SGPP2: variants seen among roughly 807,000 people sequenced by gnomAD.
The protein encoded by SGPP2 is sphingosine 1-phosphate phosphohydrolase 2.
Under a neutral mutation model 33.9 loss-of-function variants are expected in SGPP2, and 30 were observed. That is an observed-to-expected ratio of 0.89 (90% confidence interval 0.66 to 1.20). The LOEUF (loss-of-function observed/expected upper bound fraction) is 1.20, where lower values mean the gene tolerates loss of function less well. Among genes scored for constraint, SGPP2 ranks in the 50% most tolerant of loss-of-function variants. The pLI is 0.00. For synonymous variants in SGPP2, 233 were observed against 225.0 expected (o/e 1.04, Z -0.32); for missense variants, 458 against 532.1 (o/e 0.86, Z 1.37).
rs1260856147 is a variant in SGPP2 at position 222,560,546 on chromosome 2, G to C, written c.*1648G>C. The C allele has an allele frequency of 6.6e-6, 1 of 152,124 alleles. No homozygotes were observed. The highest frequency in any genetic ancestry group is 2.4e-5 in the African/African-American group (1 of 41,412). The allele number at this position is 152,124 out of a possible 1,614,324, so 9.4% of individuals were successfully genotyped here. A position where few individuals can be genotyped will look rare whatever the true frequency, so the allele number is the denominator to read the frequency against. On this transcript the variant is annotated 3_prime_UTR_variant, in exon 5 of 5. Transcript: ENST00000321276. ...CTTCAGTTCCTAAGAATAAAGAACAGGTATCAAGAACTTTCTTTAAAGTTA... is the reference window on the plus strand; with the variant it reads ...CTTCAGTTCCTAAGAATAAAGAACACGTATCAAGAACTTTCTTTAAAGTTA...
chr2:222,468,009 T>A (rs1409011909), intron 1 of SGPP2, among the ~76,000 whole-genome samples: 4 of 126,964 alleles, frequency 3.2e-5, no homozygotes, highest in Non-Finnish European at 5.1e-5. Flanking sequence ...AATACAACCT[T>A]GCAATGACAT....
At chr2:222,542,927 C>T (rs1699019496) in intron 4 of SGPP2, among the ~76,000 whole-genome samples, 1 of 151,856 alleles carries the variant, frequency 6.6e-6, no homozygotes, top group Admixed American at 6.6e-5. Flanking sequence ...GTAGCTGGGA[C>T]CGCAGTCGTG....
rs1299355486 is a variant in SGPP2 at position 222,424,608 on chromosome 2, C to T, written c.6C>T (p.Ala2=). The change falls in exon 1 of 5, where the codon GCC becomes GCT. Residue 2 remains alanine, a synonymous_variant. Coordinates refer to ENST00000321276, the MANE Select transcript of SGPP2 (RefSeq NM_152386.4). M[A]ELLRSLQDSQ... is the part of the protein sequence containing the mutation. Reference sequence around the variant, plus strand: ...AGCGCGGCCCCGGGCACACCATGGCCGAGCTGCTGCGGAGCCTGCAGGATT... The same window carrying T: ...AGCGCGGCCCCGGGCACACCATGGCTGAGCTGCTGCGGAGCCTGCAGGATT... The T allele has an allele frequency of 7.4e-7, 1 of 1,349,188 alleles. No individual in the cohort carries two copies. Among genetic ancestry groups the T allele is most frequent in the Non-Finnish European group, 9.6e-7 (1 of 1,044,484 alleles). 83.6% of individuals were successfully genotyped at this position (1,349,188 alleles called of 1,614,324 possible).
chr2:222,558,758 T>A lies in SGPP2; in HGVS notation c.1060T>A (p.Phe354Ile). 6.2e-7 allele frequency: 1 copy of A among 1,614,134 alleles called. No homozygotes were observed. Among genetic ancestry groups the A allele is most frequent in the Non-Finnish European group, 8.5e-7 (1 of 1,180,004 alleles). Residue 354 changes from phenylalanine to isoleucine, a missense_variant, in exon 5 of 5, where the codon TTC becomes ATC. Physicochemically the swap from Phe to Ile is conservative, Grantham distance 21 (BLOSUM62 0). Transcript: ENST00000321276. ...CTCACTGCAAGTATTATACTCATGG[T>A]TCAAGGTGGTCACCAGGAACAAGGA... Reference protein sequence around the residue: ...NLSLQVLYSWFKVVTRNKEAR... With the variant: ...NLSLQVLYSWIKVVTRNKEAR...
Position 222,430,780 on chromosome 2 carries a change from C to T in SGPP2, c.219+5959C>T, listed in dbSNP as rs574795480. ...CATCACCAGTGGTAAGTCATGTTGA[C>T]ATCATGTTCTCTTGATGCATATTAA... On this transcript the variant is annotated intron_variant, in intron 1 of 4. Transcript: ENST00000321276. Among the ~76,000 whole-genome samples, 46 of 152,336 alleles carry T rather than the reference C, an allele frequency of 3.0e-4. No individual in the cohort carries two copies. In the South Asian group the frequency reaches 4.1e-3, roughly 14 times the overall value.
chr2:222,491,605 C>T (rs773695085), intron 2 of SGPP2, among the ~76,000 whole-genome samples: 4 of 152,172 alleles, frequency 2.6e-5, no homozygotes, highest in Admixed American at 6.5e-5. Context: ...CCCACCTGGT[C>T]CTTCCCTCAA....
At chr2:222,439,418 G>C (rs955610880) in intron 1 of SGPP2, among the ~76,000 whole-genome samples, 12 of 152,086 alleles carry the variant, frequency 7.9e-5, no homozygotes, top group African/African-American at 2.2e-4. Context: ...TGTAACCCCA[G>C]CTACTTGGGA....
chr2:222,455,319 G>A (rs574968227), intron 1 of SGPP2, among the ~76,000 whole-genome samples: 92 of 152,208 alleles, frequency 6.0e-4, no homozygotes, highest in Non-Finnish European at 1.2e-3. Context: ...GCTTGAGAAG[G>A]CATCTCTGAA....
In SGPP2 at chr2:222,561,890, T is replaced by C. The variant is rs1205621231; in HGVS notation, c.*2992T>C. Among the ~76,000 whole-genome samples, 1 of 150,952 alleles carries C rather than the reference T, an allele frequency of 6.6e-6. No individual in the cohort carries two copies. Among genetic ancestry groups the C allele is most frequent in the Non-Finnish European group, 1.5e-5 (1 of 67,686 alleles). ...TGTCTTGCTAGCCCTCTTCCATTCA[T>C]TTCTCACACAGCACTTTGCTCTGTT... On this transcript the variant is annotated 3_prime_UTR_variant, in exon 5 of 5. Transcript: ENST00000321276.
At chr2:222,513,015 T>C (rs1574870712) in intron 2 of SGPP2, among the ~76,000 whole-genome samples, 1 of 152,230 alleles carries the variant, frequency 6.6e-6, no homozygotes, top group East Asian at 1.9e-4. Context: ...CTGAGTCATA[T>C]GGTAAGAGTA....
Position 222,476,046 on chromosome 2 carries a change from T to C in SGPP2, c.378+1320T>C, listed in dbSNP as rs1175472682. Among the ~76,000 whole-genome samples, 1 of 152,140 alleles carries C rather than the reference T, an allele frequency of 6.6e-6. No individual in the cohort carries two copies. Among genetic ancestry groups the C allele is most frequent in the Admixed American group, 6.5e-5 (1 of 15,282 alleles). On this transcript the variant is annotated intron_variant, in intron 2 of 4. Transcript: ENST00000321276. This position sits in a 1 kb window ranked among gnomAD's most constrained non-coding sequence, Gnocchi z 4.3. ...GAAGGAGTCTTGAAGATCAACCAAC[T>C]CTAAGGTCAAAGGTTATTTAGCTGG...
Position 222,512,876 on chromosome 2 carries a change from A to G in SGPP2, c.379-8891A>G, listed in dbSNP as rs184445926. The stretch of plus-strand genomic sequence containing the variant: ...CCACAGTTTATTTATTCATTTACCT[A>G]CTGAAGGACATCTTGGTTGCTTCCA... On this transcript the variant is annotated intron_variant, in intron 2 of 4. Coordinates refer to ENST00000321276, the MANE Select transcript of SGPP2 (RefSeq NM_152386.4). 8.5e-5 allele frequency among the ~76,000 whole-genome samples: 13 copies of G among 152,334 alleles called. No individual in the cohort carries two copies. In the East Asian group the frequency reaches 2.5e-3, roughly 29 times the overall value.
intron 1 of SGPP2, among the ~76,000 whole-genome samples, chr2:222,448,786 G>C: frequency 6.6e-6 from 1 of 152,144 alleles, no homozygotes; most frequent in Non-Finnish European, 1.5e-5. Flanking sequence ...AGCACAGCAT[G>C]CTCAAAATTT....
chr2:222,437,224 C>T (rs1164450379), intron 1 of SGPP2, among the ~76,000 whole-genome samples: 1 of 152,216 alleles, frequency 6.6e-6, no homozygotes, highest in Non-Finnish European at 1.5e-5. Context: ...CTGCTTCTTC[C>T]AAGTCCGTGA....
At chr2:222,446,597 CA>C (rs757343830) in intron 1 of SGPP2, among the ~76,000 whole-genome samples, 7 of 152,192 alleles carry the variant, frequency 4.6e-5, no homozygotes, top group Non-Finnish European at 8.8e-5. Flanking sequence ...CATCAATAAA[CA>C]TTCATGTACA....
chr2:222,490,842 T>C (rs1698186293), intron 2 of SGPP2, among the ~76,000 whole-genome samples: 1 of 152,204 alleles, frequency 6.6e-6, no homozygotes, highest in Admixed American at 6.5e-5. Context: ...AGCTTCTGAA[T>C]CTTGTATTCT....
chr2:222,554,707 T>C (rs1321300970), intron 4 of SGPP2, among the ~76,000 whole-genome samples: 1 of 152,128 alleles, frequency 6.6e-6, no homozygotes, highest in Admixed American at 6.5e-5. Context: ...CTGCACGGTT[T>C]GTGTGGGAAG....
intron 4 of SGPP2, among the ~76,000 whole-genome samples, chr2:222,551,717 T>A (rs1330642613): frequency 6.6e-6 from 1 of 152,174 alleles, no homozygotes; most frequent in Non-Finnish European, 1.5e-5. Flanking sequence ...AATAGTCTAG[T>A]CTCCTGATGC....
intron 2 of SGPP2, among the ~76,000 whole-genome samples, chr2:222,514,489 A>G (rs1698575100): frequency 6.6e-6 from 1 of 152,052 alleles, no homozygotes; most frequent in Non-Finnish European, 1.5e-5. Context: ...TGAGCCACTC[A>G]CTACACCTGG....
Sources: allele counts gnomAD v4.1 joint callset (sites outside exome capture counted in the v4.1 genomes callset), GRCh38; gene constraint gnomAD v4.1.1; non-coding constraint Gnocchi (gnomAD v3.1); transcripts MANE v1.5; gene names NCBI Gene and HGNC (gene_info 2026-07-23, HGNC 2026-07-21).